The following DGKE variants were observed in gnomAD, a reference collection of about 807,000 sequenced individuals.
DGKE encodes DAG kinase epsilon.
A neutral mutation model predicts 70.0 loss-of-function variants in DGKE; 53 were observed. The ratio of observed to expected loss-of-function variants is 0.76; its 90% CI spans 0.61 to 0.95. The LOEUF (loss-of-function observed/expected upper bound fraction) is 0.95, where lower values mean the gene tolerates loss of function less well. Among genes scored for constraint, DGKE ranks in the 40% least tolerant of loss-of-function variants. DGKE has a pLI of 0.00. For synonymous variants in DGKE, 291 were observed against 257.0 expected, an observed-to-expected ratio of 1.13 and a Z score of -1.27; for missense variants, 655 against 706.9, an observed-to-expected ratio of 0.93 and a Z score of 0.83.
rs996064101 is a variant in DGKE, at chr17:56,868,715, C to A, written c.*5924C>A. The A allele has an allele frequency of 6.6e-6, 1 of 152,192 alleles. No homozygotes were observed. The highest frequency in any genetic ancestry group is 1.5e-5 in the Non-Finnish European group (1 of 68,054). The allele number at this position is 152,192 out of a possible 1,614,324, so 9.4% of individuals were successfully genotyped here. ...AGTTTTTTGACACAACCATGAGATA[C>A]AATAAGCAGCTTTGACTTAGTGTCC... On this transcript the variant is annotated 3_prime_UTR_variant, in exon 12 of 12. Coordinates refer to ENST00000284061, the MANE Select transcript of DGKE (RefSeq NM_003647.3).
chr17:56,841,888 C>T (rs534942523), intron 2 of DGKE, among the ~76,000 whole-genome samples: 2 of 152,180 alleles, frequency 1.3e-5, no homozygotes, highest in East Asian at 1.9e-4. Flanking sequence ...CACCCTTTCC[C>T]GGGTTCAAGT....
chr17:56,849,003 A>G, intron 6 of DGKE, 150 bp downstream of exon 6: 2 of 1,299,022 alleles, frequency 1.5e-6, no homozygotes, highest in South Asian at 2.9e-5. Context: ...GTTTTGTTTT[A>G]TTATGTAAGA....
rs1908538239 is a variant in DGKE, at chr17:56,866,709, A to C, written c.*3918A>C. 1 of 152,242 alleles carries C rather than the reference A, an allele frequency of 6.6e-6. No homozygotes were observed. Among genetic ancestry groups the C allele is most frequent in the African/African-American group, 2.4e-5 (1 of 41,460 alleles). The allele number at this position is 152,242 out of a possible 1,614,324, so 9.4% of individuals were successfully genotyped here. A position where few individuals can be genotyped will look rare whatever the true frequency, so the allele number is the denominator to read the frequency against. Reference sequence around the variant, plus strand: ...TTAGTGCAGTGCGCCTCCAAGGGGCAGTGAGCCATGGAGGCGCCTGCCTTC... The same window carrying C: ...TTAGTGCAGTGCGCCTCCAAGGGGCCGTGAGCCATGGAGGCGCCTGCCTTC... On this transcript the variant is annotated 3_prime_UTR_variant, in exon 12 of 12. Coordinates refer to ENST00000284061, the MANE Select transcript of DGKE (RefSeq NM_003647.3).
chr17:56,858,731 A>C (rs2144284717), intron 9 of DGKE, 66 bp downstream of exon 9: 1 of 1,191,592 alleles, frequency 8.4e-7, no homozygotes, highest in East Asian at 2.4e-5. Context: ...AGACTTTTTA[A>C]ACAGAAATGC....
rs1906485148 is a variant in DGKE, at chr17:56,834,918, C to T, written c.123C>T (p.Ser41=). 1 of 1,613,506 alleles carries T rather than the reference C, an allele frequency of 6.2e-7. No individual in the cohort carries two copies. Among genetic ancestry groups the T allele is most frequent in the Admixed American group, 1.7e-5 (1 of 60,018 alleles). The change falls in exon 2 of 12, where the codon AGC becomes AGT. Residue 41 remains serine, a synonymous_variant. Coordinates refer to ENST00000284061, the MANE Select transcript of DGKE (RefSeq NM_003647.3). ...CGGTGTTCATCACCTTCTGGTGTAG[C>T]CTCCAGCGGTCGCGCCGGCAGCTGC... is the stretch of plus-strand genomic sequence containing the variant. ...LLPVFITFWC[S]LQRSRRQLHR...
intron 7 of DGKE, among the ~76,000 whole-genome samples, chr17:56,856,205 C>T (rs192488122): frequency 6.6e-6 from 1 of 151,900 alleles, no homozygotes; most frequent in Admixed American, 6.6e-5. Flanking sequence ...ATGTAAAGAG[C>T]AAATGTAATG....
chr17:56,866,567 C>G lies in DGKE; in HGVS notation c.*3776C>G, dbSNP rs1348741154. 6.6e-6 allele frequency: 1 copy of G among 152,116 alleles called. No individual in the cohort carries two copies. Among genetic ancestry groups the G allele is most frequent in the African/African-American group, 2.4e-5 (1 of 41,400 alleles). 9.4% of individuals were successfully genotyped at this position (152,116 alleles called of 1,614,324 possible). On this transcript the variant is annotated 3_prime_UTR_variant, in exon 12 of 12. Coordinates refer to ENST00000284061, the MANE Select transcript of DGKE (RefSeq NM_003647.3). ...TATGAAAAACTTATTTGTATCATAC[C>G]CAAATTGATATATTTGTCTGAACTC...
In DGKE at chr17:56,868,309, C is replaced by T. The variant is rs1992553; in HGVS notation, c.*5518C>T. 147,087 of 152,366 alleles carry T rather than the reference C, an allele frequency of 0.97. 71,062 individuals are homozygous for T. Among genetic ancestry groups the T allele is most frequent in the African/African-American group, 0.99 (41,237 of 41,594 alleles). 9.4% of individuals were successfully genotyped at this position (152,366 alleles called of 1,614,324 possible). ...GGGCTCTGCCAGCAGTCTTTCAGAT[C>T]TGAACTGCTTAAACAAACCCTACAG... is the stretch of plus-strand genomic sequence containing the variant. On this transcript the variant is annotated 3_prime_UTR_variant, in exon 12 of 12. Transcript: ENST00000284061.
intron 8 of DGKE, among the ~76,000 whole-genome samples, chr17:56,857,099 AAAAAC>A (rs1210592703): frequency 6.6e-5 from 10 of 152,226 alleles, no homozygotes; most frequent in African/African-American, 2.4e-4. Flanking sequence ...CTCCATCTCA[AAAAAC>A]AAAACAAAAC....
At chr17:56,836,905 T>G (rs1906658111) in intron 2 of DGKE, among the ~76,000 whole-genome samples, 2 of 152,230 alleles carry the variant, frequency 1.3e-5, no homozygotes, top group Admixed American at 1.3e-4. Flanking sequence ...AGTATTCTTC[T>G]GGCTAGCTTC....
chr17:56,869,021 C>G lies in DGKE; in HGVS notation c.*6230C>G, dbSNP rs1040243404. 9 of 151,784 alleles carry G rather than the reference C, an allele frequency of 5.9e-5. No homozygotes were observed. Among genetic ancestry groups the G allele is most frequent in the Admixed American group, 4.6e-4 (7 of 15,236 alleles). The allele number at this position is 151,784 out of a possible 1,614,324, so 9.4% of individuals were successfully genotyped here. ...TTATTTGAAATACCTGAATGGAAAC[C>G]CAGCCTCTACTACTGTAACTTAACA... On this transcript the variant is annotated 3_prime_UTR_variant, in exon 12 of 12. Coordinates refer to ENST00000284061, the MANE Select transcript of DGKE (RefSeq NM_003647.3).
At chr17:56,848,121 T>TATAC (rs2144239699) in intron 5 of DGKE, 56 bp downstream of exon 5, 2 of 783,826 alleles carry the variant, frequency 2.6e-6, no homozygotes, top group Non-Finnish European at 3.3e-6. Context: ...ATACTATACA[T>TATAC]ATATATATAT....
chr17:56,848,650 C>A (rs758378878), intron 5 of DGKE, 46 bp from the exon 6 acceptor site: 2 of 1,588,288 alleles, frequency 1.3e-6, no homozygotes, highest in Non-Finnish European at 8.6e-7. Flanking sequence ...TATTACCCAG[C>A]AAATAGTCTG....
chr17:56,847,069 AATATTTTTATAC>A (rs1475673033), intron 4 of DGKE, among the ~76,000 whole-genome samples: 1 of 152,180 alleles, frequency 6.6e-6, no homozygotes, highest in Non-Finnish European at 1.5e-5. Flanking sequence ...TGCCACAGTG[AATATTTTTATAC>A]ATATTTTTAG....
chr17:56,859,704 C>T (rs1452667370), intron 9 of DGKE, among the ~76,000 whole-genome samples: 1 of 152,204 alleles, frequency 6.6e-6, no homozygotes, highest in Admixed American at 6.5e-5. Flanking sequence ...AGGCGTAAGC[C>T]ACCGCGCCCA....
intron 5 of DGKE, 61 bp from the exon 6 acceptor site, chr17:56,848,635 A>T: frequency 6.4e-7 from 1 of 1,555,684 alleles, no homozygotes; most frequent in Non-Finnish European, 8.8e-7. Context: ...AATTTTACAA[A>T]ATATTATTAC....
At chr17:56,846,891 T>G (rs1907320360) in intron 4 of DGKE, among the ~76,000 whole-genome samples, 1 of 152,176 alleles carries the variant, frequency 6.6e-6, no homozygotes. Flanking sequence ...AGATACAAAT[T>G]TGCATTCTGA....
chr17:56,862,056 C>A, intron 10 of DGKE, 84 bp from the exon 11 acceptor site: 2 of 1,550,288 alleles, frequency 1.3e-6, no homozygotes, highest in South Asian at 1.2e-5. Context: ...AGTTGATGGT[C>A]CAACTGTGTT....
intron 2 of DGKE, among the ~76,000 whole-genome samples, chr17:56,843,780 A>G (rs1395208491): frequency 7.2e-6 from 1 of 138,222 alleles, no homozygotes; most frequent in Non-Finnish European, 1.5e-5. Flanking sequence ...TCTGGTGGAC[A>G]GAGTGAGACC....
Sources: gnomAD v4.1 joint callset for allele counts (sites outside exome capture counted in the v4.1 genomes callset) on GRCh38, gnomAD v4.1.1 for gene constraint, MANE v1.5 for transcripts, NCBI Gene and HGNC (gene_info 2026-07-23, HGNC 2026-07-21) for gene names.